The following CDKAL1 variants were observed in gnomAD, a reference collection of about 807,000 sequenced individuals.
The protein encoded by CDKAL1 is CDKAL1 threonylcarbamoyladenosine tRNA methylthiotransferase, also known as threonylcarbamoyladenosine tRNA methylthiotransferase.
In CDKAL1, 32 loss-of-function variants were observed where a neutral mutation model predicts 68.2. That is an observed-to-expected ratio of 0.47 (90% CI 0.35 to 0.63). The LOEUF (loss-of-function observed/expected upper bound fraction) is 0.63, where lower values mean the gene tolerates loss of function less well. Among genes scored for constraint, CDKAL1 ranks in the 30% least tolerant of loss-of-function variants. The probability of loss-of-function intolerance (pLI) is 0.00; values close to 1 mark genes in which losing one functional copy is unlikely to be tolerated. For missense variants in CDKAL1, 606 were observed against 696.7 expected (o/e 0.87, Z 1.47); for synonymous variants, 234 against 244.3 (o/e 0.96, Z 0.39).
At chr6:21,172,526 G>A (rs1237660745) in intron 13 of CDKAL1, among the ~76,000 whole-genome samples, 1 of 152,216 alleles carries the variant, frequency 6.6e-6, no homozygotes, top group East Asian at 1.9e-4. Flanking sequence ...GAGGCGGGCA[G>A]ATCGCTCGAG....
Position 20,768,120 on chromosome 6 carries a change from G to A in CDKAL1, c.517+9477G>A, listed in dbSNP as rs141827408. ...GTGCACCATTTCTTGAAGCTGCACTGAAAAGTCAGCGCTGTGTTGGGTGCT... is the reference window on the plus strand; with the variant it reads ...GTGCACCATTTCTTGAAGCTGCACTAAAAAGTCAGCGCTGTGTTGGGTGCT... On this transcript the variant is annotated intron_variant, in intron 7 of 15. Coordinates refer to ENST00000274695, the MANE Select transcript of CDKAL1 (RefSeq NM_017774.3). Among the ~76,000 whole-genome samples the A allele has an allele frequency of 4.8e-3, 724 of 152,298 alleles. 4 individuals carry two copies. The highest frequency in any genetic ancestry group is 0.017 in the African/African-American group (696 of 41,568).
intron 15 of CDKAL1, among the ~76,000 whole-genome samples, chr6:21,224,299 C>T (rs1779647076): frequency 6.6e-6 from 1 of 152,116 alleles, no homozygotes; most frequent in African/African-American, 2.4e-5. Flanking sequence ...AAAAATAACC[C>T]TATGATCACC....
At chr6:20,891,836 C>T (rs114936531) in intron 9 of CDKAL1, among the ~76,000 whole-genome samples, 2,489 of 152,212 alleles carry the variant, frequency 0.016, 64 homozygotes, top group African/African-American at 0.057. Flanking sequence ...CCTGGCCCAT[C>T]CTGCTTATTT....
chr6:21,055,713 A>G (rs9918435), intron 11 of CDKAL1, among the ~76,000 whole-genome samples: 40,800 of 151,986 alleles, frequency 0.27, 5,698 homozygotes, highest in South Asian at 0.35. Flanking sequence ...TTTCCTTTTT[A>G]TGGCTGTATA....
At chr6:20,656,638 A>G (rs1327208168) in intron 5 of CDKAL1, among the ~76,000 whole-genome samples, 1 of 152,202 alleles carries the variant, frequency 6.6e-6, no homozygotes, top group Non-Finnish European at 1.5e-5. Flanking sequence ...TTTATAATGT[A>G]ATTAATGGAC....
At chr6:20,834,829 A>T (rs1777862430) in intron 8 of CDKAL1, among the ~76,000 whole-genome samples, 2 of 152,150 alleles carry the variant, frequency 1.3e-5, no homozygotes, top group Admixed American at 6.5e-5. Flanking sequence ...GGCATTATGG[A>T]TGAGGACAGG....
At chr6:20,721,725 G>GTTTTTTTTTTTTTTTTTTTTTTTTTTTTT (rs145893325) in intron 5 of CDKAL1, among the ~76,000 whole-genome samples, 1 of 67,380 alleles carries the variant, frequency 1.5e-5, no homozygotes, top group Non-Finnish European at 2.7e-5. Flanking sequence ...ACCAACTTCT[G>GTTTTTTTTTTTTTTTTTTTTTTTTTTTTT]TTTTTTTTTT....
intron 9 of CDKAL1, among the ~76,000 whole-genome samples, chr6:20,898,738 C>T (rs1761819568): frequency 6.6e-6 from 1 of 151,976 alleles, no homozygotes; most frequent in South Asian, 2.1e-4. Context: ...TTTGTGAAGT[C>T]AATCATATAT....
At chr6:21,201,296 C>A (rs748090408) in intron 15 of CDKAL1, 22 bp downstream of exon 15, 9 of 1,576,382 alleles carry the variant, frequency 5.7e-6, no homozygotes, top group Non-Finnish European at 7.8e-6. Context: ...ATGCTCTCCT[C>A]TCTACCCTGC....
At chr6:21,142,742 A>G (rs1775981818) in intron 13 of CDKAL1, among the ~76,000 whole-genome samples, 1 of 152,264 alleles carries the variant, frequency 6.6e-6, no homozygotes, top group Non-Finnish European at 1.5e-5. Flanking sequence ...GCAGCCTTAA[A>G]GAGTAAATAT....
At chr6:20,800,433 A>G (rs1050373748) in intron 8 of CDKAL1, among the ~76,000 whole-genome samples, 20 of 152,156 alleles carry the variant, frequency 1.3e-4, no homozygotes, top group African/African-American at 4.3e-4. Flanking sequence ...CCTGAGGCAA[A>G]TTGGTCTGGG....
intron 8 of CDKAL1, chr6:20,799,958 T>G (rs985401069): frequency 3.3e-5 from 5 of 152,250 alleles, no homozygotes; most frequent in African/African-American, 1.2e-4. Flanking sequence ...TACTGCGAAA[T>G]CTTAATCAGG....
At chr6:20,899,195 G>A (rs890775742) in intron 9 of CDKAL1, among the ~76,000 whole-genome samples, 3 of 151,710 alleles carry the variant, frequency 2.0e-5, no homozygotes, top group African/African-American at 7.3e-5. Flanking sequence ...CTCCCCAGTA[G>A]CTGGGACTAC....
intron 12 of CDKAL1, among the ~76,000 whole-genome samples, chr6:21,080,176 G>A (rs931204837): frequency 3.3e-5 from 5 of 151,782 alleles, no homozygotes; most frequent in Non-Finnish European, 7.4e-5. Context: ...CTAACATTTG[G>A]AACTTGGAAA....
At chr6:20,822,594 C>A (rs537478629) in intron 8 of CDKAL1, among the ~76,000 whole-genome samples, 3 of 152,248 alleles carry the variant, frequency 2.0e-5, no homozygotes. Flanking sequence ...AATTGTAATT[C>A]CTGTAATCCG....
chr6:21,164,387 A>G (rs1415808778), intron 13 of CDKAL1, among the ~76,000 whole-genome samples: 2 of 151,942 alleles, frequency 1.3e-5, no homozygotes, highest in East Asian at 3.8e-4. Context: ...GGGACCTAGG[A>G]TCTAGCCAGA....
chr6:21,010,029 A>G lies in CDKAL1; in HGVS notation c.1055+9657A>G, dbSNP rs145293518. Among the ~76,000 whole-genome samples the G allele has an allele frequency of 4.4e-3, 665 of 152,360 alleles. 4 individuals carry two copies. Among genetic ancestry groups the G allele is most frequent in the African/African-American group, 0.015 (632 of 41,584 alleles). ...CCAACACAGGAAATGATACATTTTG[A>G]GTAACAGATATCCTAAATACTCTAA... On this transcript the variant is annotated intron_variant, in intron 11 of 15. Coordinates refer to ENST00000274695, the MANE Select transcript of CDKAL1 (RefSeq NM_017774.3).
chr6:20,669,885 TTA>T (rs1383941080), intron 5 of CDKAL1, among the ~76,000 whole-genome samples: 1 of 152,146 alleles, frequency 6.6e-6, no homozygotes, highest in Non-Finnish European at 1.5e-5. Context: ...CCAGGCACTC[TTA>T]GTAGACTTAA....
chr6:21,185,220 C>A, intron 13 of CDKAL1, among the ~76,000 whole-genome samples: 1 of 142,598 alleles, frequency 7.0e-6, no homozygotes, highest in Non-Finnish European at 1.6e-5. Context: ...GCAGGAGAGG[C>A]CATTAAAAAA....
Sources: allele counts gnomAD v4.1 joint callset (sites outside exome capture counted in the v4.1 genomes callset), GRCh38; gene constraint gnomAD v4.1.1; transcripts MANE v1.5; gene names NCBI Gene and HGNC (gene_info 2026-07-23, HGNC 2026-07-21).